MCU: variants seen among roughly 807,000 people sequenced by gnomAD.
The protein encoded by MCU is mitochondrial calcium uniporter.
A neutral mutation model predicts 45.2 loss-of-function variants in MCU; 12 were observed. The ratio of observed to expected loss-of-function variants is 0.27; its 90% CI spans 0.17 to 0.43. MCU has a LOEUF of 0.43. MCU is among the 20% of genes least tolerant of loss of function. The pLI is 1.00. For synonymous variants in MCU, 160 were observed against 165.1 expected (o/e 0.97, Z 0.24); for missense variants, 324 against 436.7 (o/e 0.74, Z 2.30).
At chr10:72,877,499 T>G (rs915895636) in intron 6 of MCU, among the ~76,000 whole-genome samples, 2 of 152,140 alleles carry the variant, frequency 1.3e-5, no homozygotes, top group Non-Finnish European at 2.9e-5. Context: ...TCATCCAATA[T>G]CTATTATCTA....
intron 1 of MCU, among the ~76,000 whole-genome samples, chr10:72,794,321 G>A (rs1844212712): frequency 6.6e-6 from 1 of 152,112 alleles, no homozygotes; most frequent in Non-Finnish European, 1.5e-5. Context: ...GGGGGAAAAC[G>A]AGATTCATAG....
chr10:72,732,019 G>A (rs1843181394), intron 1 of MCU, among the ~76,000 whole-genome samples: 2 of 152,186 alleles, frequency 1.3e-5, no homozygotes, highest in Admixed American at 1.3e-4. Context: ...AGGAACTGCT[G>A]AACTATTAAC....
chr10:72,708,204 A>G (rs1248807203), intron 1 of MCU: 1 of 152,190 alleles, frequency 6.6e-6, no homozygotes, highest in Non-Finnish European at 1.5e-5. Context: ...TTTACCTTGT[A>G]TTCCCCTTAA....
intron 1 of MCU, among the ~76,000 whole-genome samples, chr10:72,808,827 G>C (rs111308581): frequency 6.6e-6 from 1 of 152,274 alleles, no homozygotes; most frequent in African/African-American, 2.4e-5. Flanking sequence ...TAGACAGCCA[G>C]ATCTCGTGAG....
chr10:72,757,359 C>T (rs971171342), intron 1 of MCU, among the ~76,000 whole-genome samples: 6 of 152,124 alleles, frequency 3.9e-5, no homozygotes, highest in Non-Finnish European at 8.8e-5. Context: ...CAGGGAAAAA[C>T]ATGAAAAAGG....
intron 1 of MCU, among the ~76,000 whole-genome samples, chr10:72,832,934 A>ATGTGTGTGTGTGTGTGTGTGTGTGTG (rs6143982): frequency 0.06 from 8,563 of 143,692 alleles, 401 homozygotes; most frequent in Non-Finnish European, 0.09. Flanking sequence ...ACCAATAGCT[A>ATGTGTGTGTGTGTGTGTGTGTGTGTG]TGTGTGTGTG....
chr10:72,707,596 C>T (rs1842839299), intron 1 of MCU, among the ~76,000 whole-genome samples: 1 of 135,850 alleles, frequency 7.4e-6, no homozygotes. Context: ...AAGAGGTGGT[C>T]GTGGTGAGTG....
At chr10:72,739,120 A>G (rs56887227) in intron 1 of MCU, among the ~76,000 whole-genome samples, 6,101 of 152,248 alleles carry the variant, frequency 0.04, 397 homozygotes, top group African/African-American at 0.14. Flanking sequence ...GATGTATAAT[A>G]AATTATAATT....
chr10:72,773,461 G>C (rs1843842395), intron 1 of MCU, among the ~76,000 whole-genome samples: 1 of 152,052 alleles, frequency 6.6e-6, no homozygotes, highest in Non-Finnish European at 1.5e-5. Flanking sequence ...GAATGAAAAG[G>C]AACAAAGACT....
Position 72,751,631 on chromosome 10 carries a change from C to A in MCU, c.150+59330C>A, listed in dbSNP as rs565297795. Among the ~76,000 whole-genome samples, 8 of 151,944 alleles carry A rather than the reference C, an allele frequency of 5.3e-5. No individual in the cohort carries two copies. The East Asian group carries it at 1.6e-3, about 30-fold the overall frequency. ...TTGGCCTCCCAAAGTGCTGGGATTA[C>A]GGGTGTGAGCCGCTGCACTCCACCT... On this transcript the variant is annotated intron_variant, in intron 1 of 7. Coordinates refer to ENST00000373053, the MANE Select transcript of MCU (RefSeq NM_138357.3).
chr10:72,789,489 C>A (rs1844125734), intron 1 of MCU, among the ~76,000 whole-genome samples: 1 of 152,084 alleles, frequency 6.6e-6, no homozygotes, highest in African/African-American at 2.4e-5. Flanking sequence ...AGCTTTATGT[C>A]ATCTTATAGT....
intron 1 of MCU, among the ~76,000 whole-genome samples, chr10:72,827,410 A>G (rs906697290): frequency 1.3e-5 from 2 of 152,246 alleles, no homozygotes; most frequent in African/African-American, 4.8e-5. Context: ...TGTATTCTGT[A>G]TCAAAAAATG....
At chr10:72,760,097 T>C (rs1045423333) in intron 1 of MCU, among the ~76,000 whole-genome samples, 1 of 151,358 alleles carries the variant, frequency 6.6e-6, no homozygotes, top group Non-Finnish European at 1.5e-5. Context: ...TGGGCTAGAG[T>C]GTAGTTGCGT....
At chr10:72,750,681 TGTC>T (rs1273484831) in intron 1 of MCU, among the ~76,000 whole-genome samples, 1 of 152,216 alleles carries the variant, frequency 6.6e-6, no homozygotes, top group Non-Finnish European at 1.5e-5. Flanking sequence ...TTGATGTACG[TGTC>T]TATGAATTTA....
chr10:72,777,103 A>C (rs1843906674), intron 1 of MCU, among the ~76,000 whole-genome samples: 2 of 152,374 alleles, frequency 1.3e-5, no homozygotes, highest in African/African-American at 4.8e-5. Flanking sequence ...GGAAGAATTA[A>C]TATTTTTCAA....
At chr10:72,779,825 G>T (rs755969903) in intron 1 of MCU, among the ~76,000 whole-genome samples, 2 of 152,336 alleles carry the variant, frequency 1.3e-5, no homozygotes, top group Admixed American at 6.5e-5. Context: ...ATTCATTGCT[G>T]TTGGGATTGT....
At chr10:72,698,197 G>A (rs573486032) in intron 1 of MCU, among the ~76,000 whole-genome samples, 1 of 152,122 alleles carries the variant, frequency 6.6e-6, no homozygotes, top group Non-Finnish European at 1.5e-5. Flanking sequence ...TATGCTTCAT[G>A]TAATTCTTTT....
At chr10:72,760,310 C>T (rs1475576337) in intron 1 of MCU, among the ~76,000 whole-genome samples, 1 of 147,104 alleles carries the variant, frequency 6.8e-6, no homozygotes, top group Non-Finnish European at 1.5e-5. Flanking sequence ...CTCAGCCTCT[C>T]AAAGTATGGG....
chr10:72,753,609 T>G (rs1247481315), intron 1 of MCU, among the ~76,000 whole-genome samples: 1 of 152,198 alleles, frequency 6.6e-6, no homozygotes, highest in Non-Finnish European at 1.5e-5. Flanking sequence ...GCGTAATGGC[T>G]TATGCCTGTA....
Sources: allele counts gnomAD v4.1 joint callset (sites outside exome capture counted in the v4.1 genomes callset), GRCh38; gene constraint gnomAD v4.1.1; transcripts MANE v1.5; gene names NCBI Gene and HGNC (gene_info 2026-07-23, HGNC 2026-07-21).